RSRC2: variants seen among roughly 807,000 people sequenced by gnomAD.
RSRC2 encodes arginine/serine-rich coiled-coil protein 2.
A neutral mutation model predicts 61.3 loss-of-function variants in RSRC2; 5 were observed. That is an observed-to-expected ratio of 0.08 (90% CI 0.04 to 0.17). The LOEUF (loss-of-function observed/expected upper bound fraction) is 0.17, where lower values mean the gene tolerates loss of function less well. Ranked by LOEUF, RSRC2 falls within the 10% of genes least tolerant of loss-of-function variation. RSRC2 has a pLI of 1.00. For missense variants in RSRC2, 381 were observed against 518.8 expected, an observed-to-expected ratio of 0.73 and a Z score of 2.58; for synonymous variants, 202 against 166.5, an observed-to-expected ratio of 1.21 and a Z score of -1.64.
intron 1 of RSRC2, chr12:122,526,378 C>CAA (rs532711796): frequency 5.2e-5 from 8 of 154,224 alleles, no homozygotes; most frequent in African/African-American, 1.8e-4. Flanking sequence ...ATTGAGCGTA[C>CAA]AAAAAAAAAA....
At position 122,508,377 on chromosome 12, in the gene RSRC2, C is replaced by G; in HGVS notation, c.876G>C (p.Gln292His). The G allele has an allele frequency of 1.2e-6, 2 of 1,614,210 alleles. No homozygotes were observed. Among genetic ancestry groups the G allele is most frequent in the Non-Finnish European group, 1.7e-6 (2 of 1,180,050 alleles). ...LLASGTQVTPQIAMAAQMAAL... is the reference protein window; with the variant it reads ...LLASGTQVTPHIAMAAQMAAL... Reference sequence around the variant, plus strand: ...CTGCCATCTGAGCTGCCATGGCTATCTGAGGTGTTACTTGTGTTCCTGATG... The same window carrying G: ...CTGCCATCTGAGCTGCCATGGCTATGTGAGGTGTTACTTGTGTTCCTGATG... Residue 292 changes from glutamine to histidine, a missense_variant, in exon 8 of 10, where the codon CAG becomes CAC. This residue lies in a region of RSRC2 where 78 missense variants were observed against 183.0 expected (regional missense o/e 0.43). Transcript: ENST00000331738.
At chr12:122,515,881 C>T (rs1297238629) in intron 5 of RSRC2, among the ~76,000 whole-genome samples, 1 of 151,978 alleles carries the variant, frequency 6.6e-6, no homozygotes, top group Non-Finnish European at 1.5e-5. Context: ...CCCAGCTACT[C>T]GGGAGGCTGA....
In RSRC2 at chr12:122,518,833, A is replaced by T; in HGVS notation, c.398+6T>A. ...AGGTACTACATTATAATACAACATG[A>T]CTTACCTTTCACGAGACCTAGATCT... On this transcript the variant is annotated splice_donor_region_variant and intron_variant, in intron 4 of 9. Transcript: ENST00000331738. 1.9e-6 allele frequency: 3 copies of T among 1,609,160 alleles called. No homozygotes were observed. The highest frequency in any genetic ancestry group is 2.6e-6 in the Non-Finnish European group (3 of 1,175,636).
intron 7 of RSRC2, 48 bp downstream of exon 7, chr12:122,511,061 T>C (rs376668520): frequency 1.6e-5 from 22 of 1,408,236 alleles, no homozygotes; most frequent in African/African-American, 2.9e-5. Context: ...ACAAAAAAGC[T>C]TGAAAGAGCT....
intron 6 of RSRC2, among the ~76,000 whole-genome samples, chr12:122,511,446 G>A (rs1958502800): frequency 6.6e-6 from 1 of 152,178 alleles, no homozygotes; most frequent in Non-Finnish European, 1.5e-5. Flanking sequence ...TTTATATGCA[G>A]TTCCAATTAA....
Position 122,526,631 on chromosome 12 carries a change from GA to G in RSRC2, c.6+216del, listed in dbSNP as rs201292821. On this transcript the variant is annotated intron_variant, in intron 1 of 9. Transcript: ENST00000331738. ...TGGGGAAGAGAGGAGGAAAGTTCTGGAAAAAAAAAGGCACTCCCTGCGGCTC... is the reference window on the plus strand; with the variant it reads ...TGGGGAAGAGAGGAGGAAAGTTCTGGAAAAAAAAGGCACTCCCTGCGGCTC... Among the ~76,000 whole-genome samples, 13 of 150,842 alleles carry G rather than the reference GA, an allele frequency of 8.6e-5. 1 individual carries two copies. The highest frequency in any genetic ancestry group is 2.1e-4 in the South Asian group (1 of 4,798).
intron 8 of RSRC2, chr12:122,507,159 C>T (rs998444104): frequency 5.9e-6 from 3 of 511,990 alleles, no homozygotes; most frequent in Non-Finnish European, 7.0e-6. Context: ...GGGCAAATCA[C>T]CTGAGGTCAG....
intron 6 of RSRC2, 85 bp from the exon 7 acceptor site, chr12:122,511,273 C>A: frequency 1.1e-6 from 1 of 951,276 alleles, no homozygotes; most frequent in South Asian, 1.7e-5. Context: ...TGTACAGAGA[C>A]AAGCCAACTT....
At position 122,521,440 on chromosome 12, in the gene RSRC2, C is replaced by A; in HGVS notation, c.164-12G>T. 1 of 1,606,524 alleles carries A rather than the reference C, an allele frequency of 6.2e-7. No individual in the cohort carries two copies. The highest frequency in any genetic ancestry group is 8.5e-7 in the Non-Finnish European group (1 of 1,174,268). ...TCTTCCTTCATTATCTGTGAATACA[C>A]AAAAAAAATAATCACCATAAACAAA... is the stretch of plus-strand genomic sequence containing the variant. On this transcript the variant is annotated splice_polypyrimidine_tract_variant and intron_variant, in intron 2 of 9. Coordinates refer to ENST00000331738, the MANE Select transcript of RSRC2 (RefSeq NM_023012.6).
chr12:122,518,002 G>A (rs1959061675), intron 4 of RSRC2, among the ~76,000 whole-genome samples: 1 of 152,162 alleles, frequency 6.6e-6, no homozygotes, highest in Non-Finnish European at 1.5e-5. Flanking sequence ...CAGATTAAGT[G>A]GTTAAAAATC....
At chr12:122,513,514 C>G (rs1450142812) in intron 6 of RSRC2, among the ~76,000 whole-genome samples, 1 of 152,032 alleles carries the variant, frequency 6.6e-6, no homozygotes, top group East Asian at 1.9e-4. Context: ...AACGGCTTCA[C>G]TTTTAAAAAA....
chr12:122,515,276 A>AT (rs764402072), intron 5 of RSRC2, 49 bp from the exon 6 acceptor site: 1 of 1,564,686 alleles, frequency 6.4e-7, no homozygotes, highest in Non-Finnish European at 8.7e-7. Flanking sequence ...AGTCATAACT[A>AT]TTTTGTTAAT....
intron 2 of RSRC2, 95 bp from the exon 3 acceptor site, chr12:122,521,523 T>C (rs1002532027): frequency 1.2e-5 from 12 of 1,039,266 alleles, no homozygotes; most frequent in Non-Finnish European, 1.5e-5. Flanking sequence ...TGACTCCCAT[T>C]AGTCTTCTTC....
At chr12:122,513,713 G>A in intron 6 of RSRC2, 1 of 830,516 alleles carries the variant, frequency 1.2e-6, no homozygotes, top group Non-Finnish European at 1.5e-6. Flanking sequence ...GGCCATTGAA[G>A]ATTTGGAATT....
At position 122,505,242 on chromosome 12, in the gene RSRC2, G is replaced by A. The variant is rs1958045534; in HGVS notation, c.*285C>T. ...CGGACACGAAAAAATCCATGTATGA[G>A]ATTTTATCCCCACCTGCAGCTTTTA... On this transcript the variant is annotated 3_prime_UTR_variant, in exon 10 of 10. Transcript: ENST00000331738. 1 of 279,124 alleles carries A rather than the reference G, an allele frequency of 3.6e-6. No homozygotes were observed. Among genetic ancestry groups the A allele is most frequent in the Non-Finnish European group, 6.7e-6 (1 of 150,276 alleles). 17.3% of individuals were successfully genotyped at this position (279,124 alleles called of 1,614,324 possible).
intron 1 of RSRC2, chr12:122,522,569 G>C (rs750778796): frequency 3.6e-6 from 1 of 279,342 alleles, no homozygotes; most frequent in East Asian, 6.8e-5. Context: ...ACATGGGGTG[G>C]GGTGGGGGAG....
At chr12:122,517,712 G>C (rs1250675709) in intron 4 of RSRC2, among the ~76,000 whole-genome samples, 1 of 151,902 alleles carries the variant, frequency 6.6e-6, no homozygotes, top group Non-Finnish European at 1.5e-5. Context: ...TCTTCCCACA[G>C]TAGTTACAAA....
intron 7 of RSRC2, among the ~76,000 whole-genome samples, chr12:122,510,673 A>G (rs1958439727): frequency 6.6e-6 from 1 of 152,110 alleles, no homozygotes; most frequent in African/African-American, 2.4e-5. Context: ...ACACGTTTAC[A>G]GTGTACTGAT....
intron 9 of RSRC2, 63 bp downstream of exon 9, chr12:122,506,771 G>A: frequency 2.1e-6 from 2 of 964,272 alleles, no homozygotes; most frequent in African/African-American, 1.6e-5. Context: ...AGAAAATGAG[G>A]GAAGAACAGT....
Sources: gnomAD v4.1 joint callset for allele counts (sites outside exome capture counted in the v4.1 genomes callset) on GRCh38, gnomAD v4.1.1 for gene constraint, gnomAD v4.1.1 regional missense constraint, MANE v1.5 for transcripts, NCBI Gene and HGNC (gene_info 2026-07-23, HGNC 2026-07-21) for gene names.